The following SMOC2 variants were observed in gnomAD, a reference collection of about 807,000 sequenced individuals.
SMOC2 encodes the protein SPARC-related modular calcium-binding protein 2.
Under a neutral mutation model 61.4 loss-of-function variants are expected in SMOC2, and 39 were observed. The ratio of observed to expected loss-of-function variants is 0.64; its 90% CI spans 0.49 to 0.83. The LOEUF is 0.83. SMOC2 is among the 40% of genes least tolerant of loss of function. SMOC2 has a pLI of 0.00. For synonymous variants in SMOC2, 247 were observed against 239.9 expected (o/e 1.03, Z -0.27); for missense variants, 556 against 592.9 (o/e 0.94, Z 0.65).
intron 12 of SMOC2, 111 bp from the exon 13 acceptor site, chr6:168,666,310 T>G (rs1013618566): frequency 5.6e-5 from 69 of 1,236,412 alleles, no homozygotes; most frequent in Non-Finnish European, 7.5e-5. Context: ...TCACATGACC[T>G]GCCCAGCCCT....
intron 2 of SMOC2, among the ~76,000 whole-genome samples, chr6:168,515,514 A>C (rs2248434): frequency 7.9e-5 from 12 of 152,190 alleles, no homozygotes; most frequent in South Asian, 2.1e-4. Flanking sequence ...GCCTTTGAAA[A>C]GGGGCTCCTG....
At chr6:168,564,142 G>A (rs1283380973) in intron 7 of SMOC2, among the ~76,000 whole-genome samples, 1 of 152,120 alleles carries the variant, frequency 6.6e-6, no homozygotes. Context: ...ATGTGTATAA[G>A]ACAAAACACG....
At chr6:168,459,164 T>C (rs1781659406) in intron 1 of SMOC2, among the ~76,000 whole-genome samples, 2 of 152,208 alleles carry the variant, frequency 1.3e-5, no homozygotes, top group South Asian at 2.1e-4. Flanking sequence ...ATTTAGGTCA[T>C]AGGCCTGAGG....
chr6:168,467,154 C>CACAT (rs1562543163), intron 1 of SMOC2, among the ~76,000 whole-genome samples: 1 of 137,904 alleles, frequency 7.3e-6, no homozygotes, highest in East Asian at 2.0e-4. Flanking sequence ...CACACACACA[C>CACAT]ACACACACAC....
intron 4 of SMOC2, among the ~76,000 whole-genome samples, chr6:168,538,581 G>A (rs1438614701): frequency 7.4e-6 from 1 of 134,496 alleles, no homozygotes; most frequent in African/African-American, 2.9e-5. Flanking sequence ...GACCCCTGCT[G>A]GAATCTGGGG....
chr6:168,587,207 T>G (rs1785064819), intron 7 of SMOC2, among the ~76,000 whole-genome samples: 1 of 152,240 alleles, frequency 6.6e-6, no homozygotes, highest in Non-Finnish European at 1.5e-5. Context: ...TGCAAAATGC[T>G]TTATCTTTCT....
intron 7 of SMOC2, among the ~76,000 whole-genome samples, chr6:168,574,423 G>T (rs60011180): frequency 0.084 from 12,810 of 152,272 alleles, 820 homozygotes; most frequent in East Asian, 0.18. Context: ...GCAGCACAGG[G>T]GAGAGGTCGC....
intron 7 of SMOC2, among the ~76,000 whole-genome samples, chr6:168,586,881 G>C (rs1785057809): frequency 1.3e-5 from 2 of 152,134 alleles, no homozygotes; most frequent in Non-Finnish European, 2.9e-5. Context: ...ATATAAAAAA[G>C]TAGTGAGATT....
chr6:168,510,188 C>A, intron 2 of SMOC2, 102 bp downstream of exon 2: 1 of 1,227,798 alleles, frequency 8.1e-7, no homozygotes, highest in South Asian at 1.6e-5. Flanking sequence ...TTTACAAACT[C>A]GGGTTTATGT....
intron 3 of SMOC2, 63 bp downstream of exon 3, chr6:168,526,515 T>C: frequency 7.0e-7 from 1 of 1,425,848 alleles, no homozygotes; most frequent in Non-Finnish European, 9.9e-7. Context: ...GTGGAGCGGG[T>C]GTGGGGAGAA....
chr6:168,457,209 C>T lies in SMOC2; in HGVS notation c.84+15755C>T, dbSNP rs376377891. Among the ~76,000 whole-genome samples the T allele has an allele frequency of 5.9e-5, 9 of 152,208 alleles. No individual in the cohort carries two copies. In the East Asian group the frequency reaches 1.3e-3, roughly 23 times the overall value. ...CGTCCACGAGGGCTGCCAGGAGGAA[C>T]GTGTGTTTAGACACTTTCAATAAAA... On this transcript the variant is annotated intron_variant, in intron 1 of 12. Coordinates refer to ENST00000356284, the MANE Select transcript of SMOC2 (RefSeq NM_001166412.2).
At chr6:168,450,962 A>T (rs1451740184) in intron 1 of SMOC2, among the ~76,000 whole-genome samples, 4 of 152,138 alleles carry the variant, frequency 2.6e-5, no homozygotes, top group Admixed American at 2.6e-4. Flanking sequence ...TTTCATCTTG[A>T]TTCCATTATC....
intron 1 of SMOC2, among the ~76,000 whole-genome samples, chr6:168,454,233 C>CTGTT (rs1781529678): frequency 6.6e-6 from 1 of 152,056 alleles, no homozygotes; most frequent in Non-Finnish European, 1.5e-5. Context: ...CTGTGTGTCC[C>CTGTT]GGCTCCCCCA....
At chr6:168,565,247 G>C (rs1211876512) in intron 7 of SMOC2, among the ~76,000 whole-genome samples, 2 of 152,222 alleles carry the variant, frequency 1.3e-5, no homozygotes, top group African/African-American at 4.8e-5. Context: ...GCTGTAACAA[G>C]TAGCACAGTC....
intron 11 of SMOC2, among the ~76,000 whole-genome samples, 161 bp downstream of exon 11, chr6:168,653,389 T>C (rs913992281): frequency 6.6e-6 from 1 of 152,234 alleles, no homozygotes; most frequent in Non-Finnish European, 1.5e-5. Context: ...GAAATAATAA[T>C]GATAATTGGC....
chr6:168,614,429 G>C (rs1785992371), intron 9 of SMOC2, among the ~76,000 whole-genome samples: 1 of 81,184 alleles, frequency 1.2e-5, no homozygotes, highest in Admixed American at 1.4e-4. Context: ...AGCCAGCACA[G>C]GGCCTCTTCA....
At chr6:168,520,579 T>C (rs866094664) in intron 2 of SMOC2, among the ~76,000 whole-genome samples, 69 of 152,358 alleles carry the variant, frequency 4.5e-4, no homozygotes, top group Middle Eastern at 6.8e-3. Context: ...TCAGAGCATC[T>C]GTTGACCAGA....
chr6:168,635,209 T>A (rs1786682447), intron 9 of SMOC2, among the ~76,000 whole-genome samples: 1 of 152,252 alleles, frequency 6.6e-6, no homozygotes, highest in Admixed American at 6.5e-5. Context: ...TGGTTCCTAC[T>A]CTAGGTGATA....
At chr6:168,652,293 C>T (rs1339253006) in intron 10 of SMOC2, among the ~76,000 whole-genome samples, 5 of 152,116 alleles carry the variant, frequency 3.3e-5, no homozygotes, top group African/African-American at 7.2e-5. Flanking sequence ...TCGGAGTTCA[C>T]GGTGTTCTCA....
Sources: gnomAD v4.1 joint callset for allele counts (sites outside exome capture counted in the v4.1 genomes callset) on GRCh38, gnomAD v4.1.1 for gene constraint, MANE v1.5 for transcripts, NCBI Gene and HGNC (gene_info 2026-07-23, HGNC 2026-07-21) for gene names.